Variants in SESN1 observed in about 807,000 individuals in gnomAD.
SESN1 encodes sestrin-1.
In SESN1, 30 loss-of-function variants were observed where a neutral mutation model predicts 59.3. That is an observed-to-expected ratio of 0.51 (90% CI 0.38 to 0.69). The LOEUF (loss-of-function observed/expected upper bound fraction) is 0.69. Among genes scored for constraint, SESN1 ranks in the 30% least tolerant of loss-of-function variants. The pLI is 0.00. For synonymous variants in SESN1, 197 were observed against 219.9 expected (o/e 0.90, Z 0.92); for missense variants, 566 against 673.0 (o/e 0.84, Z 1.76).
At chr6:109,050,935 C>T (rs1007650294) in intron 1 of SESN1, among the ~76,000 whole-genome samples, 1 of 152,150 alleles carries the variant, frequency 6.6e-6, no homozygotes, top group Non-Finnish European at 1.5e-5. Flanking sequence ...TCCTCAGCCA[C>T]CTCCATAGAA....
chr6:108,989,971 G>C (rs1245667306), intron 8 of SESN1, among the ~76,000 whole-genome samples: 1 of 152,214 alleles, frequency 6.6e-6, no homozygotes, highest in Non-Finnish European at 1.5e-5. Flanking sequence ...AAGTTGGTCA[G>C]CTGTACTTCA....
chr6:109,090,255 G>A (rs534827195), intron 1 of SESN1, among the ~76,000 whole-genome samples: 2 of 152,186 alleles, frequency 1.3e-5, no homozygotes, highest in Non-Finnish European at 2.9e-5. Flanking sequence ...AAGTTGTAGA[G>A]TTAATAAAGT....
intron 1 of SESN1, among the ~76,000 whole-genome samples, chr6:109,051,028 T>A (rs1240802746): frequency 1.3e-5 from 2 of 152,200 alleles, no homozygotes; most frequent in Non-Finnish European, 2.9e-5. Flanking sequence ...ATACCTTTTT[T>A]GAACTGATTC....
intron 1 of SESN1, among the ~76,000 whole-genome samples, chr6:109,039,199 C>T (rs970151044): frequency 2.6e-5 from 4 of 151,762 alleles, no homozygotes; most frequent in Non-Finnish European, 4.4e-5. Context: ...AGGCTCTGTG[C>T]CTGAGGGCAA....
intron 1 of SESN1, among the ~76,000 whole-genome samples, chr6:109,016,145 A>G (rs1487223182): frequency 2.0e-5 from 3 of 152,250 alleles, no homozygotes; most frequent in Non-Finnish European, 2.9e-5. Context: ...ATGCATATTA[A>G]TGAGTCATTA....
In SESN1 at chr6:108,992,847, AG is replaced by A; in HGVS notation, c.1172del (p.Thr391IlefsTer33). On this transcript the variant is annotated frameshift_variant, in exon 7 of 10. Transcript: ENST00000436639. LOFTEE classifies it high-confidence loss of function. ...ARAVSRHFED[T>X]SYGYKDFSRH... is the part of the protein sequence containing the mutation. The stretch of plus-strand genomic sequence containing the variant: ...TAGAGAAATCTTTATAGCCATAACT[AG>A]TATCCTCAAAATGACGAGATACAGC... 8 of 1,613,716 alleles carry A rather than the reference AG, an allele frequency of 5.0e-6. No individual in the cohort carries two copies. Among genetic ancestry groups the A allele is most frequent in the Non-Finnish European group, 6.8e-6 (8 of 1,179,808 alleles).
In SESN1 at chr6:108,986,018, C is replaced by T. The variant is rs886232933; in HGVS notation, c.*1526G>A. Among the ~76,000 whole-genome samples the T allele has an allele frequency of 1.3e-5, 2 of 152,166 alleles. No individual in the cohort carries two copies. Among genetic ancestry groups the T allele is most frequent in the Admixed American group, 6.5e-5 (1 of 15,272 alleles). Reference sequence around the variant, plus strand: ...ACCCCTACTTCCACACTACCCCATACATTTGTAGGCAGGCACTAGATTGAG... The same window carrying T: ...ACCCCTACTTCCACACTACCCCATATATTTGTAGGCAGGCACTAGATTGAG... On this transcript the variant is annotated 3_prime_UTR_variant, in exon 10 of 10. Transcript: ENST00000436639.
intron 6 of SESN1, 56 bp from the exon 7 acceptor site, chr6:108,992,955 T>C (rs1362234041): frequency 1.7e-6 from 2 of 1,175,244 alleles, no homozygotes; most frequent in African/African-American, 3.0e-5. Context: ...TTAAAATTGA[T>C]TTTACCCAAA....
chr6:109,044,529 A>G (rs1780392644), intron 1 of SESN1, among the ~76,000 whole-genome samples: 2 of 151,930 alleles, frequency 1.3e-5, no homozygotes, highest in African/African-American at 4.8e-5. Flanking sequence ...TTTAATATAT[A>G]AGACTAAAAA....
chr6:108,988,402 G>A, intron 9 of SESN1, 141 bp downstream of exon 9: 1 of 640,470 alleles, frequency 1.6e-6, no homozygotes, highest in Non-Finnish European at 2.5e-6. Flanking sequence ...TTCTGAAGGG[G>A]TACCTGAGAC....
In SESN1 at chr6:109,072,077, ATC is replaced by A. The variant is rs140728630; in HGVS notation, c.279+21716_279+21717del. 7.8e-3 allele frequency among the ~76,000 whole-genome samples: 1,189 copies of A among 152,314 alleles called. 20 individuals are homozygous for A. The highest frequency in any genetic ancestry group is 0.027 in the African/African-American group (1,139 of 41,556). On this transcript the variant is annotated intron_variant, in intron 1 of 9. Coordinates refer to ENST00000436639, the MANE Select transcript of SESN1 (RefSeq NM_014454.3). ...TACATTGTAGCATCTTCCAAAATAA[ATC>A]TCTGCTCTGAAAACTTTCTTCTCCC...
intron 1 of SESN1, among the ~76,000 whole-genome samples, chr6:109,062,121 C>T (rs1337986164): frequency 2.0e-5 from 3 of 152,152 alleles, no homozygotes; most frequent in African/African-American, 7.2e-5. Context: ...AACTCCTAGT[C>T]TCAAGCCATC....
rs12210444 is a variant in SESN1, at chr6:108,984,540, T to C, written c.*3004A>G. ...CTCCCAAAGGCCTACTTTTTTAATATCACCACATTGAGGATTACATTTCAG... is the reference window on the plus strand; with the variant it reads ...CTCCCAAAGGCCTACTTTTTTAATACCACCACATTGAGGATTACATTTCAG... On this transcript the variant is annotated 3_prime_UTR_variant, in exon 10 of 10. Coordinates refer to ENST00000436639, the MANE Select transcript of SESN1 (RefSeq NM_014454.3). Among the ~76,000 whole-genome samples the C allele has an allele frequency of 0.1, 15,330 of 152,132 alleles. 913 individuals are homozygous for C. Among genetic ancestry groups the C allele is most frequent in the Middle Eastern group, 0.19 (57 of 294 alleles).
intron 1 of SESN1, among the ~76,000 whole-genome samples, chr6:109,020,218 A>G (rs978498727): frequency 3.3e-5 from 5 of 152,198 alleles, no homozygotes; most frequent in African/African-American, 1.2e-4. Context: ...CACAAGAGAA[A>G]ACAACAAATT....
intron 1 of SESN1, among the ~76,000 whole-genome samples, chr6:109,022,049 AT>A (rs544552358): frequency 2.0e-3 from 289 of 147,280 alleles, no homozygotes; most frequent in East Asian, 7.7e-3. Flanking sequence ...TGTGCCAGGC[AT>A]TTTTTTTTTT....
At position 108,994,603 on chromosome 6, in the gene SESN1, C is replaced by T; in HGVS notation, c.979G>A (p.Asp327Asn). Reference protein sequence around the residue: ...VNSAENVSVSDSFFEVEALME... With the variant: ...VNSAENVSVSNSFFEVEALME... The stretch of plus-strand genomic sequence containing the variant: ...AGGGCTTCAACCTCAAAGAAAGAAT[C>T]ACTTACCTGAAGAAAAAATACAATT... Residue 327 changes from aspartate (D) to asparagine (N), a missense_variant, in exon 6 of 10, where the codon GAT becomes AAT. Transcript: ENST00000436639. 1.9e-6 allele frequency: 3 copies of T among 1,604,820 alleles called. No individual in the cohort carries two copies. The highest frequency in any genetic ancestry group is 1.7e-6 in the Non-Finnish European group (2 of 1,174,998).
At chr6:109,033,648 T>C (rs1422469593) in intron 1 of SESN1, among the ~76,000 whole-genome samples, 4 of 152,128 alleles carry the variant, frequency 2.6e-5, no homozygotes, top group Non-Finnish European at 1.5e-5. Context: ...ATGCCTTAGA[T>C]TTTCATTTGT....
At chr6:109,005,980 T>C (rs1779723501) in intron 1 of SESN1, among the ~76,000 whole-genome samples, 1 of 152,284 alleles carries the variant, frequency 6.6e-6, no homozygotes, top group East Asian at 1.9e-4. Flanking sequence ...CACTAGTCAA[T>C]GATATCTGAG....
At chr6:108,993,611 T>G (rs1403417488) in intron 6 of SESN1, among the ~76,000 whole-genome samples, 1 of 152,212 alleles carries the variant, frequency 6.6e-6, no homozygotes, top group Non-Finnish European at 1.5e-5. Flanking sequence ...AGACACTTTA[T>G]AAACTTTTTC....
Sources: allele counts gnomAD v4.1 joint callset (sites outside exome capture counted in the v4.1 genomes callset), GRCh38; gene constraint gnomAD v4.1.1; transcripts MANE v1.5; gene names NCBI Gene and HGNC (gene_info 2026-07-23, HGNC 2026-07-21).